The following UST variants were observed in gnomAD, a reference collection of about 807,000 sequenced individuals.
The protein encoded by UST is uronyl 2-sulfotransferase, also known as chondroitin sulfate 2-O-sulfotransferase.
UST carries 21 observed loss-of-function variants against 45.6 expected under a neutral mutation model. That is an observed-to-expected ratio of 0.46 (90% CI 0.33 to 0.66). The LOEUF (loss-of-function observed/expected upper bound fraction) is 0.66. UST is among the 30% of genes least tolerant of loss of function. The probability of loss-of-function intolerance (pLI) is 0.02; values close to 1 mark genes in which losing one functional copy is unlikely to be tolerated. For synonymous variants in UST, 215 were observed against 200.6 expected (o/e 1.07, Z -0.61); for missense variants, 463 against 512.4 (o/e 0.90, Z 0.93).
chr6:149,049,052 A>C (rs1776436841), intron 7 of UST, among the ~76,000 whole-genome samples: 1 of 152,206 alleles, frequency 6.6e-6, no homozygotes, highest in South Asian at 2.1e-4. Context: ...GCATAGGTAT[A>C]TATAGCTGTC....
chr6:148,863,878 G>A (rs1778368907), intron 1 of UST, among the ~76,000 whole-genome samples: 1 of 152,176 alleles, frequency 6.6e-6, no homozygotes, highest in South Asian at 2.1e-4. Context: ...TTGTCTCAGA[G>A]GGGTACCCGG....
intron 7 of UST, among the ~76,000 whole-genome samples, chr6:149,044,466 A>G (rs1776369341): frequency 6.6e-6 from 1 of 152,222 alleles, no homozygotes; most frequent in Non-Finnish European, 1.5e-5. Flanking sequence ...GTCAAATGAC[A>G]GTCTGAACAA....
chr6:148,776,010 C>T (rs868867097), intron 1 of UST, among the ~76,000 whole-genome samples: 1 of 152,144 alleles, frequency 6.6e-6, no homozygotes, highest in Non-Finnish European at 1.5e-5. Flanking sequence ...TGTTTTATAA[C>T]TTGGAGGAAT....
chr6:148,878,337 G>C (rs554035612), intron 1 of UST, among the ~76,000 whole-genome samples: 4 of 70,114 alleles, frequency 5.7e-5, no homozygotes, highest in Admixed American at 1.5e-4. Flanking sequence ...GTGTATGAGT[G>C]GGGGGGATCG....
intron 7 of UST, among the ~76,000 whole-genome samples, chr6:149,067,251 A>G (rs2340798): frequency 0.64 from 97,720 of 151,902 alleles, 32,123 homozygotes; most frequent in African/African-American, 0.78. Flanking sequence ...ATCTTCTCTG[A>G]TTAATGAAAT....
intron 1 of UST, among the ~76,000 whole-genome samples, chr6:148,841,420 T>C (rs552756631): frequency 3.3e-5 from 5 of 152,214 alleles, no homozygotes; most frequent in African/African-American, 7.2e-5. Flanking sequence ...TGCTATTCCA[T>C]GTAACTAAGG....
chr6:148,756,182 G>C (rs929356629), intron 1 of UST, among the ~76,000 whole-genome samples: 1 of 152,016 alleles, frequency 6.6e-6, no homozygotes, highest in Admixed American at 6.6e-5. Context: ...CAAAGGACAT[G>C]AGCTCATCCT....
chr6:149,058,228 C>A (rs1458427372), intron 7 of UST, among the ~76,000 whole-genome samples: 1 of 152,006 alleles, frequency 6.6e-6, no homozygotes, highest in Non-Finnish European at 1.5e-5. Flanking sequence ...GTCATATCAC[C>A]ATCTGTGGAG....
intron 7 of UST, among the ~76,000 whole-genome samples, chr6:149,036,302 C>T (rs1367510191): frequency 2.0e-5 from 3 of 152,208 alleles, no homozygotes; most frequent in African/African-American, 7.2e-5. Context: ...GCTGACACTC[C>T]CGAGCCATGT....
At chr6:148,913,423 CTTTTTTTTTTTT>C (rs34110477) in intron 2 of UST, among the ~76,000 whole-genome samples, 29 of 79,868 alleles carry the variant, frequency 3.6e-4, no homozygotes, top group African/African-American at 1.4e-3. Context: ...GACCAAAAAT[CTTTTTTTTTTTT>C]TTTTTTTTTT....
At chr6:148,759,230 T>C (rs913608874) in intron 1 of UST, among the ~76,000 whole-genome samples, 8 of 152,124 alleles carry the variant, frequency 5.3e-5, no homozygotes, top group African/African-American at 1.9e-4. Context: ...GGGCATGGCA[T>C]TGGAAGTCCT....
chr6:148,832,190 C>T (rs1777701705), intron 1 of UST, among the ~76,000 whole-genome samples: 1 of 152,168 alleles, frequency 6.6e-6, no homozygotes, highest in Non-Finnish European at 1.5e-5. Flanking sequence ...AGGGTTTCGC[C>T]ATGTTGGCCA....
intron 5 of UST, among the ~76,000 whole-genome samples, chr6:148,985,619 T>C (rs142287715): frequency 7.2e-4 from 110 of 152,272 alleles, no homozygotes; most frequent in Middle Eastern, 3.4e-3. Context: ...AAGATGGATA[T>C]GCAGATGGGG....
intron 7 of UST, among the ~76,000 whole-genome samples, chr6:149,049,741 C>G (rs984725880): frequency 2.0e-5 from 3 of 152,134 alleles, no homozygotes; most frequent in African/African-American, 7.2e-5. Context: ...GAACATCATT[C>G]TCGAGGGGGC....
chr6:149,067,596 A>C (rs1172767921), intron 7 of UST, among the ~76,000 whole-genome samples: 1 of 152,222 alleles, frequency 6.6e-6, no homozygotes, highest in African/African-American at 2.4e-5. Flanking sequence ...TCAAATAGCC[A>C]AAGCACTTTT....
chr6:148,976,812 A>G (rs1309328792), intron 5 of UST, among the ~76,000 whole-genome samples: 2 of 152,046 alleles, frequency 1.3e-5, no homozygotes, highest in Admixed American at 1.3e-4. Context: ...CTAGTTAGTA[A>G]TCTCTTTTAA....
chr6:148,827,454 A>C (rs1033920018), intron 1 of UST, among the ~76,000 whole-genome samples: 11 of 152,088 alleles, frequency 7.2e-5, no homozygotes, highest in Admixed American at 5.9e-4. Flanking sequence ...CCTTGTCTCT[A>C]CTAAAAATAC....
chr6:148,794,464 A>G (rs2114707935), intron 1 of UST, among the ~76,000 whole-genome samples: 1 of 152,328 alleles, frequency 6.6e-6, no homozygotes, highest in South Asian at 2.1e-4. Context: ...GAGTGGTGTG[A>G]TTAGAAAATA....
At chr6:148,829,052 A>G (rs1370917767) in intron 1 of UST, among the ~76,000 whole-genome samples, 1 of 152,198 alleles carries the variant, frequency 6.6e-6, no homozygotes, top group Non-Finnish European at 1.5e-5. Context: ...CCTTGGAGTA[A>G]GAAGTGGAAA....
Sources: allele counts gnomAD v4.1 joint callset (sites outside exome capture counted in the v4.1 genomes callset), GRCh38; gene constraint gnomAD v4.1.1; transcripts MANE v1.5; gene names NCBI Gene and HGNC (gene_info 2026-07-23, HGNC 2026-07-21).